FOCAD: variants seen among roughly 807,000 people sequenced by gnomAD.
FOCAD encodes the protein KIAA1797.
In FOCAD, 198 loss-of-function variants were observed where a neutral mutation model predicts 225.6. That is an observed-to-expected ratio of 0.88 (90% CI 0.78 to 0.99). FOCAD has a LOEUF of 0.99. FOCAD is among the 50% of genes least tolerant of loss of function. FOCAD has a pLI of 0.00. For missense variants in FOCAD, 2,713 were observed against 2,123.6 expected (o/e 1.28, Z -5.46); for synonymous variants, 897 against 755.0 (o/e 1.19, Z -3.08).
At chr9:20,802,287 A>G (rs1477776889) in intron 11 of FOCAD, among the ~76,000 whole-genome samples, 1 of 152,156 alleles carries the variant, frequency 6.6e-6, no homozygotes. Context: ...GAAAACAAGC[A>G]TGTAAATATA....
chr9:20,990,550 G>T (rs146087878), intron 42 of FOCAD, among the ~76,000 whole-genome samples, 176 bp downstream of exon 42: 1 of 152,316 alleles, frequency 6.6e-6, no homozygotes, highest in Non-Finnish European at 1.5e-5. Flanking sequence ...GCCCAGGCTC[G>T]GGGCAACTGC....
chr9:20,984,703 G>T (rs1236893284), intron 39 of FOCAD, among the ~76,000 whole-genome samples: 2 of 152,128 alleles, frequency 1.3e-5, no homozygotes, highest in Non-Finnish European at 2.9e-5. Flanking sequence ...CAGATATGCA[G>T]GAGGAAAAGG....
At chr9:20,825,146 C>CGTGTGTGTGTGTGT (rs10562859) in intron 15 of FOCAD, among the ~76,000 whole-genome samples, 3 of 138,990 alleles carry the variant, frequency 2.2e-5, no homozygotes, top group Non-Finnish European at 3.1e-5. Flanking sequence ...TCAAGCTTTG[C>CGTGTGTGTGTGTGT]GTGTGTGTGT....
At chr9:20,899,661 T>C (rs1447381912) in intron 21 of FOCAD, among the ~76,000 whole-genome samples, 1 of 152,010 alleles carries the variant, frequency 6.6e-6, no homozygotes, top group East Asian at 1.9e-4. Context: ...GTGTTCATTG[T>C]TGATACTTCT....
chr9:20,720,594 T>C, intron 4 of FOCAD, 60 bp downstream of exon 4: 2 of 1,549,656 alleles, frequency 1.3e-6, no homozygotes, highest in South Asian at 2.4e-5. Context: ...AAAAATTCAC[T>C]AAATCACTAT....
At chr9:20,834,100 T>C (rs1825761566) in intron 15 of FOCAD, among the ~76,000 whole-genome samples, 1 of 152,086 alleles carries the variant, frequency 6.6e-6, no homozygotes, top group African/African-American at 2.4e-5. Context: ...TGTTCTTTAT[T>C]CAGGAATACT....
intron 2 of FOCAD, among the ~76,000 whole-genome samples, 199 bp downstream of exon 2, chr9:20,715,609 C>G (rs1216360451): frequency 6.6e-6 from 1 of 151,984 alleles, no homozygotes; most frequent in Non-Finnish European, 1.5e-5. Context: ...TGATCAATCT[C>G]AGCTTCTGTT....
At chr9:20,742,180 A>G (rs1827679988) in intron 5 of FOCAD, among the ~76,000 whole-genome samples, 1 of 152,170 alleles carries the variant, frequency 6.6e-6, no homozygotes. Context: ...GCCCATTAGA[A>G]CCACCTGGGT....
intron 3 of FOCAD, among the ~76,000 whole-genome samples, chr9:20,718,147 T>C (rs1436306202): frequency 6.6e-6 from 1 of 152,122 alleles, no homozygotes; most frequent in Non-Finnish European, 1.5e-5. Flanking sequence ...ATGGGTGGAA[T>C]GAGAGAAAGC....
chr9:20,925,074 G>A (rs536003283), intron 25 of FOCAD, among the ~76,000 whole-genome samples: 114 of 152,270 alleles, frequency 7.5e-4, no homozygotes, highest in Middle Eastern at 3.4e-3. Context: ...TATATTACAT[G>A]TAGGGAAGGG....
chr9:20,768,085 C>T (rs1830213341), intron 7 of FOCAD, among the ~76,000 whole-genome samples: 1 of 149,690 alleles, frequency 6.7e-6, no homozygotes, highest in African/African-American at 2.4e-5. Context: ...AATAGGGAAT[C>T]CTTTCCCCAT....
intron 28 of FOCAD, among the ~76,000 whole-genome samples, chr9:20,941,296 T>G (rs1836636636): frequency 6.6e-6 from 1 of 152,230 alleles, no homozygotes; most frequent in Non-Finnish European, 1.5e-5. Context: ...TGTGCCATTG[T>G]GATCCTCACA....
At chr9:20,933,314 C>T (rs1835662000) in intron 28 of FOCAD, among the ~76,000 whole-genome samples, 1 of 152,212 alleles carries the variant, frequency 6.6e-6, no homozygotes, top group Non-Finnish European at 1.5e-5. Context: ...GTATACACTG[C>T]ACACAATTTG....
chr9:20,976,876 A>G (rs1840276817), intron 36 of FOCAD, among the ~76,000 whole-genome samples: 1 of 152,136 alleles, frequency 6.6e-6, no homozygotes, highest in Admixed American at 6.6e-5. Context: ...AGGTTTCGAG[A>G]AGTACCATGT....
intron 8 of FOCAD, 48 bp downstream of exon 8, chr9:20,770,286 T>C: frequency 6.7e-7 from 1 of 1,489,856 alleles, no homozygotes. Flanking sequence ...TATTAAGAAA[T>C]ACCTGAGACT....
In FOCAD at chr9:20,990,303, G is replaced by A; in HGVS notation, c.5185G>A (p.Val1729Ile). The change falls in exon 42 of 44, where the codon GTT becomes ATT. Residue 1729 changes from valine (V) to isoleucine (I), a missense_variant. Coordinates refer to ENST00000338382, the MANE Select transcript of FOCAD (RefSeq NM_001375567.1). ...SPMHRVTLQEVLTLLPNSMAL... is the reference protein window; with the variant it reads ...SPMHRVTLQEILTLLPNSMAL... The stretch of plus-strand genomic sequence containing the variant: ...AATGCACAGGGTCACTCTGCAGGAG[G>A]TTCTCACTCTCCTTCCCAATAGCAT... 6.2e-7 allele frequency: 1 copy of A among 1,614,024 alleles called. No individual in the cohort carries two copies. Among genetic ancestry groups the A allele is most frequent in the Non-Finnish European group, 8.5e-7 (1 of 1,179,928 alleles).
intron 40 of FOCAD, among the ~76,000 whole-genome samples, chr9:20,987,655 G>A (rs575563272): frequency 9.2e-5 from 14 of 152,290 alleles, no homozygotes; most frequent in Non-Finnish European, 1.6e-4. Context: ...GTATGTATCA[G>A]GAAGAAATCT....
At chr9:20,861,739 A>T (rs1283764904) in intron 15 of FOCAD, among the ~76,000 whole-genome samples, 2 of 152,162 alleles carry the variant, frequency 1.3e-5, no homozygotes, top group Non-Finnish European at 2.9e-5. Context: ...AAAAGAAGAG[A>T]TTGGAATATT....
intron 15 of FOCAD, among the ~76,000 whole-genome samples, chr9:20,842,612 C>T (rs1826654784): frequency 6.6e-6 from 1 of 151,816 alleles, no homozygotes; most frequent in Non-Finnish European, 1.5e-5. Context: ...ATGTCTGACT[C>T]TATAGGTTAA....
Sources: gnomAD v4.1 joint callset for allele counts (sites outside exome capture counted in the v4.1 genomes callset) on GRCh38, gnomAD v4.1.1 for gene constraint, MANE v1.5 for transcripts, NCBI Gene and HGNC (gene_info 2026-07-23, HGNC 2026-07-21) for gene names.